Variants in ANO2 observed in about 807,000 individuals in gnomAD.
The protein encoded by ANO2 is anoctamin-2.
In ANO2, 101 loss-of-function variants were observed where a neutral mutation model predicts 124.2. The ratio of observed to expected loss-of-function variants is 0.81; its 90% CI spans 0.69 to 0.96. The LOEUF (loss-of-function observed/expected upper bound fraction) is 0.96. Among genes scored for constraint, ANO2 ranks in the 40% least tolerant of loss-of-function variants. ANO2 has a pLI of 0.00. For synonymous variants in ANO2, 486 were observed against 482.5 expected, an observed-to-expected ratio of 1.01 and a Z score of -0.09; for missense variants, 1,293 against 1,274.5, an observed-to-expected ratio of 1.01 and a Z score of -0.22.
Position 5,667,996 on chromosome 12 carries a change from T to G in ANO2, c.1546-20195A>C, listed in dbSNP as rs552338317. On this transcript the variant is annotated intron_variant, in intron 14 of 24. Coordinates refer to ENST00000682330, the MANE Select transcript of ANO2 (RefSeq NM_001364791.2). ...GATTCCATGTGTTTGCTATTGTGAA[T>G]AGTGCTACAATGAACATACATGTGC... 2.6e-5 allele frequency among the ~76,000 whole-genome samples: 4 copies of G among 152,364 alleles called. No individual in the cohort carries two copies. In the East Asian group the frequency reaches 7.7e-4, roughly 29 times the overall value.
intron 20 of ANO2, among the ~76,000 whole-genome samples, chr12:5,586,597 C>A (rs1162835682): frequency 2.6e-5 from 4 of 152,186 alleles, no homozygotes; most frequent in African/African-American, 9.7e-5. Flanking sequence ...GCAGTCTTTA[C>A]CATCCATGAC....
chr12:5,918,115 G>C (rs906911396), intron 3 of ANO2, among the ~76,000 whole-genome samples: 5 of 151,980 alleles, frequency 3.3e-5, no homozygotes, highest in African/African-American at 1.2e-4. Context: ...CCTGGAGCGA[G>C]AATGCATCTT....
chr12:5,630,047 G>C (rs376236078), intron 16 of ANO2, among the ~76,000 whole-genome samples: 6 of 152,352 alleles, frequency 3.9e-5, no homozygotes, highest in East Asian at 1.9e-4. Flanking sequence ...TTTGCAGCAA[G>C]AATGGACCTC....
At chr12:5,699,877 CAAG>C (rs1470489041) in intron 14 of ANO2, among the ~76,000 whole-genome samples, 1 of 152,178 alleles carries the variant, frequency 6.6e-6, no homozygotes, top group Non-Finnish European at 1.5e-5. Flanking sequence ...ATCAATTCAA[CAAG>C]AAGAGCTAAC....
chr12:5,607,668 C>T (rs1279316456), intron 19 of ANO2, among the ~76,000 whole-genome samples: 1 of 152,124 alleles, frequency 6.6e-6, no homozygotes. Flanking sequence ...CTCATTAACA[C>T]CTGAGCTCTG....
intron 14 of ANO2, among the ~76,000 whole-genome samples, chr12:5,719,346 T>C (rs1950137101): frequency 6.6e-6 from 1 of 152,128 alleles, no homozygotes; most frequent in South Asian, 2.1e-4. Flanking sequence ...CCCATAACAG[T>C]GACTGACAGG....
intron 19 of ANO2, among the ~76,000 whole-genome samples, chr12:5,607,762 TG>T (rs1223691939): frequency 2.0e-5 from 3 of 152,214 alleles, no homozygotes; most frequent in Non-Finnish European, 2.9e-5. Flanking sequence ...ATCTAGGTTG[TG>T]TGCTCCTTAT....
chr12:5,707,733 G>A (rs564333776), intron 14 of ANO2, among the ~76,000 whole-genome samples: 4 of 152,256 alleles, frequency 2.6e-5, no homozygotes, highest in East Asian at 1.9e-4. Context: ...ATTTGAAGCC[G>A]GCTCAGCTTT....
At chr12:5,684,233 G>A (rs1948614934) in intron 14 of ANO2, among the ~76,000 whole-genome samples, 1 of 152,170 alleles carries the variant, frequency 6.6e-6, no homozygotes, top group Non-Finnish European at 1.5e-5. Context: ...GCTGCTCTCT[G>A]GTTTTTCACA....
chr12:5,819,241 C>T (rs1315253570), intron 7 of ANO2, among the ~76,000 whole-genome samples: 2 of 152,016 alleles, frequency 1.3e-5, no homozygotes, highest in African/African-American at 2.4e-5. Context: ...AGACTGAAGC[C>T]CCAGTGGGCC....
At chr12:5,618,744 T>C (rs990590731) in intron 16 of ANO2, among the ~76,000 whole-genome samples, 3 of 152,330 alleles carry the variant, frequency 2.0e-5, no homozygotes, top group African/African-American at 7.2e-5. Context: ...AAGCACCAGC[T>C]GTGTGTCAGG....
chr12:5,827,641 A>T, intron 7 of ANO2, 128 bp downstream of exon 7: 1 of 1,143,532 alleles, frequency 8.7e-7, no homozygotes, highest in Non-Finnish European at 1.3e-6. Flanking sequence ...GCCCAAGCTA[A>T]GCAGCCTCTC....
chr12:5,841,984 C>T (rs1431015234), intron 4 of ANO2, among the ~76,000 whole-genome samples: 1 of 152,180 alleles, frequency 6.6e-6, no homozygotes, highest in Admixed American at 6.5e-5. Context: ...ATTTTCCCAC[C>T]TCGGCCTCCT....
intron 3 of ANO2, among the ~76,000 whole-genome samples, chr12:5,914,425 C>T (rs1941258934): frequency 6.6e-6 from 1 of 152,162 alleles, no homozygotes; most frequent in Admixed American, 6.5e-5. Flanking sequence ...GAGGGAGTCT[C>T]CTCTCTGCAG....
intron 20 of ANO2, chr12:5,584,137 C>A (rs1364541946): frequency 2.4e-5 from 4 of 165,162 alleles, no homozygotes; most frequent in South Asian, 1.2e-4. Context: ...GAACACCCCC[C>A]CCCCGCCGCA....
At chr12:5,665,976 CTT>C (rs1244693455) in intron 14 of ANO2, among the ~76,000 whole-genome samples, 2 of 152,152 alleles carry the variant, frequency 1.3e-5, no homozygotes, top group Non-Finnish European at 2.9e-5. Context: ...CAAGGCAACT[CTT>C]TACTTAGTGA....
Position 5,686,529 on chromosome 12 carries a change from A to C in ANO2, c.1546-38728T>G, listed in dbSNP as rs550539447. ...CACAAACCATAGTTGGCTGTCACTC[A>C]TCATAAAATAGAGGTATATTTAAGG... On this transcript the variant is annotated intron_variant, in intron 14 of 24. Coordinates refer to ENST00000682330, the MANE Select transcript of ANO2 (RefSeq NM_001364791.2). Among the ~76,000 whole-genome samples the C allele has an allele frequency of 3.3e-5, 5 of 152,344 alleles. No individual in the cohort carries two copies. In the South Asian group the frequency reaches 8.3e-4, roughly 25 times the overall value.
chr12:5,933,182 G>T (rs1313636658), intron 1 of ANO2, among the ~76,000 whole-genome samples: 3 of 152,156 alleles, frequency 2.0e-5, no homozygotes, highest in Non-Finnish European at 4.4e-5. Flanking sequence ...CATCTTTCTT[G>T]TCAACCTTCC....
At chr12:5,674,733 A>C (rs1467708070) in intron 14 of ANO2, among the ~76,000 whole-genome samples, 1 of 152,172 alleles carries the variant, frequency 6.6e-6, no homozygotes, top group Non-Finnish European at 1.5e-5. Context: ...TGTCTCTGTC[A>C]CTTGATTCTG....
Sources: gnomAD v4.1 joint callset for allele counts (sites outside exome capture counted in the v4.1 genomes callset) on GRCh38, gnomAD v4.1.1 for gene constraint, MANE v1.5 for transcripts, NCBI Gene and HGNC (gene_info 2026-07-23, HGNC 2026-07-21) for gene names.